Variants in RALYL observed in about 807,000 individuals in gnomAD.
RALYL encodes RALY RNA binding protein like.
Under a neutral mutation model 35.1 loss-of-function variants are expected in RALYL, and 29 were observed. That is an observed-to-expected ratio of 0.83 (90% CI 0.61 to 1.13). The LOEUF (loss-of-function observed/expected upper bound fraction) is 1.13, where lower values mean the gene tolerates loss of function less well. Among genes scored for constraint, RALYL ranks in the 50% most tolerant of loss-of-function variants. The probability of loss-of-function intolerance (pLI) is 0.00; values close to 1 mark genes in which losing one functional copy is unlikely to be tolerated. For synonymous variants in RALYL, 120 were observed against 127.6 expected, an observed-to-expected ratio of 0.94 and a Z score of 0.40; for missense variants, 359 against 360.4, an observed-to-expected ratio of 1.00 and a Z score of 0.03.
intron 2 of RALYL, among the ~76,000 whole-genome samples, chr8:84,713,172 T>G (rs1163003268): frequency 6.6e-6 from 1 of 152,086 alleles, no homozygotes; most frequent in African/African-American, 2.4e-5. Context: ...CTTGTTTGTA[T>G]GGATATCCAG....
Position 84,757,680 on chromosome 8 carries a change from C to T in RALYL, c.257-16899C>T, listed in dbSNP as rs113889158. ...GCCATGTAATATAGTGTGGCTAGTA[C>T]ATATATTTGGTTAGCCAAAACAAAT... On this transcript the variant is annotated intron_variant, in intron 2 of 8. Transcript: ENST00000521268. Among the ~76,000 whole-genome samples the T allele has an allele frequency of 3.3e-3, 499 of 152,154 alleles. 2 individuals are homozygous for T. Among genetic ancestry groups the T allele is most frequent in the African/African-American group, 0.012 (487 of 41,522 alleles).
chr8:84,786,681 T>G (rs1191833459), intron 3 of RALYL, among the ~76,000 whole-genome samples: 5 of 152,176 alleles, frequency 3.3e-5, no homozygotes, highest in Admixed American at 6.5e-5. Flanking sequence ...GAGTTGTTTG[T>G]TTTTTTCTTG....
intron 1 of RALYL, among the ~76,000 whole-genome samples, chr8:84,442,411 C>T (rs1317365405): frequency 1.3e-5 from 2 of 152,078 alleles, no homozygotes; most frequent in Non-Finnish European, 2.9e-5. Flanking sequence ...ATTCTTTATA[C>T]AACGTTTATT....
chr8:84,830,153 T>C (rs963506882), intron 4 of RALYL, among the ~76,000 whole-genome samples: 157 of 152,124 alleles, frequency 1.0e-3, no homozygotes, highest in Non-Finnish European at 3.8e-4. Context: ...GTCACCTCAT[T>C]GGACCTCATC....
chr8:84,384,993 A>T (rs1286493071), intron 1 of RALYL, among the ~76,000 whole-genome samples: 5 of 151,802 alleles, frequency 3.3e-5, no homozygotes, highest in Non-Finnish European at 7.4e-5. Flanking sequence ...TAATGGCAAT[A>T]AGATAAAGAG....
intron 1 of RALYL, among the ~76,000 whole-genome samples, chr8:84,328,968 C>T (rs753442913): frequency 6.6e-6 from 1 of 152,244 alleles, no homozygotes; most frequent in South Asian, 2.1e-4. Flanking sequence ...TTGTATTCCA[C>T]GGTGTATGTG....
At chr8:84,911,420 A>G (rs940455865) in intron 8 of RALYL, among the ~76,000 whole-genome samples, 3 of 152,204 alleles carry the variant, frequency 2.0e-5, no homozygotes, top group African/African-American at 7.2e-5. Flanking sequence ...TTAATACTTT[A>G]TAAGTATGCA....
chr8:84,765,657 ATG>A (rs1491248384), intron 2 of RALYL, among the ~76,000 whole-genome samples: 1 of 152,114 alleles, frequency 6.6e-6, no homozygotes, highest in Non-Finnish European at 1.5e-5. Context: ...ATGTATGGTT[ATG>A]TCCGTTCACT....
At chr8:84,852,885 C>T (rs1474041788) in intron 5 of RALYL, among the ~76,000 whole-genome samples, 2 of 152,104 alleles carry the variant, frequency 1.3e-5, no homozygotes, top group South Asian at 4.1e-4. Flanking sequence ...AGGTACAATG[C>T]TTGTTTATAC....
intron 1 of RALYL, among the ~76,000 whole-genome samples, chr8:84,375,791 T>A (rs1027184807): frequency 1.3e-5 from 2 of 151,830 alleles, no homozygotes; most frequent in African/African-American, 2.4e-5. Context: ...GATTTTGAAA[T>A]ATGTAAGAGT....
intron 1 of RALYL, among the ~76,000 whole-genome samples, chr8:84,279,820 T>C (rs1013063389): frequency 6.6e-6 from 1 of 152,206 alleles, no homozygotes; most frequent in Non-Finnish European, 1.5e-5. Context: ...GTGCTTATAC[T>C]TGTGGCCCAC....
intron 2 of RALYL, among the ~76,000 whole-genome samples, chr8:84,690,450 A>G (rs1837802063): frequency 6.6e-6 from 1 of 152,024 alleles, no homozygotes; most frequent in South Asian, 2.1e-4. Flanking sequence ...AGTTTGGGAG[A>G]CCTAACCTAC....
intron 1 of RALYL, among the ~76,000 whole-genome samples, chr8:84,311,878 G>A (rs1316741133): frequency 6.6e-6 from 1 of 151,986 alleles, no homozygotes; most frequent in Non-Finnish European, 1.5e-5. Context: ...ATACATCAAG[G>A]AATTTAGTAA....
chr8:84,918,925 T>G (rs1848894449), intron 8 of RALYL, among the ~76,000 whole-genome samples: 1 of 152,102 alleles, frequency 6.6e-6, no homozygotes, highest in Non-Finnish European at 1.5e-5. Context: ...ATGTAATTAT[T>G]TACAACTAAG....
intron 1 of RALYL, among the ~76,000 whole-genome samples, chr8:84,287,312 GGGCTAGGTTATT>G: frequency 7.0e-6 from 1 of 143,720 alleles, no homozygotes; most frequent in African/African-American, 2.5e-5. Context: ...GGAAACTACT[GGGCTAGGTTATT>G]AGGAAGATCA....
chr8:84,234,657 A>C (rs1042028809), intron 1 of RALYL, among the ~76,000 whole-genome samples: 1 of 152,156 alleles, frequency 6.6e-6, no homozygotes, highest in Non-Finnish European at 1.5e-5. Context: ...CTTTCTGTCC[A>C]TCTGCCCACC....
chr8:84,410,879 GT>G (rs1187657564), intron 1 of RALYL, among the ~76,000 whole-genome samples: 4 of 151,536 alleles, frequency 2.6e-5, no homozygotes, highest in African/African-American at 7.3e-5. Context: ...TGAATTCCTG[GT>G]TTATGACATA....
At chr8:84,865,427 T>A (rs1400013630) in intron 6 of RALYL, among the ~76,000 whole-genome samples, 3 of 152,176 alleles carry the variant, frequency 2.0e-5, no homozygotes, top group African/African-American at 7.2e-5. Flanking sequence ...ATGACTGAAT[T>A]CTGCTAAGGA....
intron 1 of RALYL, among the ~76,000 whole-genome samples, chr8:84,225,392 T>C (rs1823626651): frequency 6.6e-6 from 1 of 152,178 alleles, no homozygotes; most frequent in East Asian, 1.9e-4. Flanking sequence ...GGCTTAGTCC[T>C]TCAGCAGATT....
Sources: gnomAD v4.1 joint callset for allele counts (sites outside exome capture counted in the v4.1 genomes callset) on GRCh38, gnomAD v4.1.1 for gene constraint, MANE v1.5 for transcripts, NCBI Gene and HGNC (gene_info 2026-07-23, HGNC 2026-07-21) for gene names.